CDK6: variants seen among roughly 807,000 people sequenced by gnomAD.
CDK6 encodes cyclin dependent kinase 6, also known as cyclin-dependent kinase 6.
A neutral mutation model predicts 37.1 loss-of-function variants in CDK6; 6 were observed. The ratio of observed to expected loss-of-function variants is 0.16; its 90% CI spans 0.09 to 0.32. The LOEUF is 0.32. CDK6 is among the 10% of genes least tolerant of loss of function. The pLI is 1.00. For synonymous variants in CDK6, 160 were observed against 161.3 expected, an observed-to-expected ratio of 0.99 and a Z score of 0.06; for missense variants, 224 against 418.9, an observed-to-expected ratio of 0.53 and a Z score of 4.06.
chr7:92,743,805 T>C (rs1716986303), intron 3 of CDK6, among the ~76,000 whole-genome samples: 1 of 152,228 alleles, frequency 6.6e-6, no homozygotes, highest in African/African-American at 2.4e-5. Flanking sequence ...ACAGACAAGA[T>C]GCTCAGTAAA....
intron 4 of CDK6, among the ~76,000 whole-genome samples, chr7:92,723,403 A>G (rs984296606): frequency 3.9e-5 from 6 of 152,192 alleles, no homozygotes; most frequent in African/African-American, 1.4e-4. Flanking sequence ...CCTGTATGAC[A>G]TAACCCACTA....
chr7:92,683,957 T>A (rs1304216368), intron 4 of CDK6, among the ~76,000 whole-genome samples: 1 of 152,240 alleles, frequency 6.6e-6, no homozygotes. Flanking sequence ...TGGGGCCTTG[T>A]AATGTTTTCT....
intron 5 of CDK6, among the ~76,000 whole-genome samples, chr7:92,650,473 G>A (rs1796547814): frequency 6.6e-6 from 1 of 151,530 alleles, no homozygotes. Flanking sequence ...AATTTCTATT[G>A]CTGTTGTAAC....
intron 3 of CDK6, among the ~76,000 whole-genome samples, chr7:92,727,971 G>A (rs1363052757): frequency 6.6e-6 from 1 of 152,144 alleles, no homozygotes; most frequent in African/African-American, 2.4e-5. Context: ...TGTCCTGTTG[G>A]CTCATCATCT....
intron 4 of CDK6, among the ~76,000 whole-genome samples, chr7:92,707,897 T>C (rs754749853): frequency 1.3e-5 from 2 of 152,202 alleles, no homozygotes; most frequent in African/African-American, 4.8e-5. Flanking sequence ...GGGCAGCAGA[T>C]GAGCAGATGG....
intron 5 of CDK6, among the ~76,000 whole-genome samples, chr7:92,635,844 C>T (rs1324203603): frequency 1.3e-5 from 2 of 152,084 alleles, no homozygotes; most frequent in African/African-American, 4.8e-5. Flanking sequence ...AGGAAAATGA[C>T]AAATAAGGGG....
Position 92,615,035 on chromosome 7 carries a change from C to T in CDK6, c.*105G>A. ...TGTCCAGAAGACAGCAGCTGGAAGG[C>T]CTCCAGATAGCAATCCTCCACAGCT... On this transcript the variant is annotated 3_prime_UTR_variant, in exon 8 of 8. Transcript: ENST00000424848. 1 of 1,176,740 alleles carries T rather than the reference C, an allele frequency of 8.5e-7. No homozygotes were observed. The highest frequency in any genetic ancestry group is 2.5e-5 in the Admixed American group (1 of 40,520). The allele number at this position is 1,176,740 out of a possible 1,614,324, so 72.9% of individuals were successfully genotyped here.
At chr7:92,717,203 C>T (rs187991641) in intron 4 of CDK6, among the ~76,000 whole-genome samples, 40 of 151,808 alleles carry the variant, frequency 2.6e-4, no homozygotes, top group African/African-American at 8.2e-4. Context: ...CGTAGCTGGG[C>T]GTGGTGGTGT....
At chr7:92,782,765 G>A (rs918763405) in intron 2 of CDK6, among the ~76,000 whole-genome samples, 4 of 152,118 alleles carry the variant, frequency 2.6e-5, no homozygotes, top group Admixed American at 6.6e-5. Flanking sequence ...TCAGTGTTTT[G>A]CTTATCCAGC....
In CDK6 at chr7:92,624,303, G is replaced by A. The variant is rs569607509; in HGVS notation, c.648-1217C>T. Among the ~76,000 whole-genome samples, 9 of 152,244 alleles carry A rather than the reference G, an allele frequency of 5.9e-5. No individual in the cohort carries two copies. The South Asian group carries it at 1.9e-3, about 32-fold the overall frequency. On this transcript the variant is annotated intron_variant, in intron 5 of 7. Transcript: ENST00000424848. ...GAATTTAACTGTATTTGGAGATAGA[G>A]CCTTTAAACAAGTAATTAAAATAAG...
At chr7:92,774,993 T>C (rs1799813660) in intron 2 of CDK6, among the ~76,000 whole-genome samples, 162 bp from the exon 3 acceptor site, 1 of 152,196 alleles carries the variant, frequency 6.6e-6, no homozygotes, top group Non-Finnish European at 1.5e-5. Context: ...ATCTGATACT[T>C]TAATAACAAC....
chr7:92,729,485 C>T (rs541056531), intron 3 of CDK6, among the ~76,000 whole-genome samples: 9 of 152,252 alleles, frequency 5.9e-5, no homozygotes, highest in South Asian at 2.1e-4. Flanking sequence ...TTAAAACATG[C>T]GACTCGCAAG....
intron 2 of CDK6, among the ~76,000 whole-genome samples, chr7:92,775,903 A>G (rs1317432425): frequency 6.6e-6 from 1 of 152,066 alleles, no homozygotes; most frequent in African/African-American, 2.4e-5. Flanking sequence ...CTGCTTACAT[A>G]TTACCTCCGT....
chr7:92,638,777 C>T (rs1406843714), intron 5 of CDK6, among the ~76,000 whole-genome samples: 2 of 151,970 alleles, frequency 1.3e-5, no homozygotes, highest in African/African-American at 4.8e-5. Context: ...GTCTTTTGAC[C>T]CCCCCAGAGT....
intron 5 of CDK6, among the ~76,000 whole-genome samples, chr7:92,657,033 T>G (rs764460418): frequency 6.6e-6 from 1 of 152,134 alleles, no homozygotes; most frequent in Non-Finnish European, 1.5e-5. Context: ...TGTCTCTGTT[T>G]CTTTGGGTCT....
intron 3 of CDK6, among the ~76,000 whole-genome samples, chr7:92,751,547 G>C (rs1799187842): frequency 6.6e-6 from 1 of 152,086 alleles, no homozygotes; most frequent in African/African-American, 2.4e-5. Flanking sequence ...GATCTGTGAG[G>C]AAACAGCATA....
chr7:92,785,590 T>G (rs989023174), intron 2 of CDK6, among the ~76,000 whole-genome samples: 7 of 152,338 alleles, frequency 4.6e-5, no homozygotes, highest in African/African-American at 1.4e-4. Flanking sequence ...GCAACAGTGG[T>G]AGAGAGGTTT....
Position 92,833,603 on chromosome 7 carries a change from T to A in CDK6, c.-280A>T, listed in dbSNP as rs1313460945. The A allele has an allele frequency of 7.4e-6, 4 of 537,352 alleles. No individual in the cohort carries two copies. The African/African-American group carries it at 8.1e-5, about 11-fold the overall frequency. 33.3% of individuals were successfully genotyped at this position (537,352 alleles called of 1,614,324 possible). The stretch of plus-strand genomic sequence containing the variant: ...GCCGCCGGAGGAGCGAGCCGATCCC[T>A]CCTCTTCCCTCCTCGAAGCGAAGTC... On this transcript the variant is annotated 5_prime_UTR_variant, in exon 2 of 8. Coordinates refer to ENST00000424848, the MANE Select transcript of CDK6 (RefSeq NM_001145306.2). The surrounding 1 kb of genome is among the most constrained non-coding windows in gnomAD (Gnocchi z 6.1).
intron 4 of CDK6, among the ~76,000 whole-genome samples, chr7:92,712,555 A>C (rs942611163): frequency 6.6e-6 from 1 of 152,220 alleles, no homozygotes; most frequent in South Asian, 2.1e-4. Context: ...CTTTAAATGC[A>C]GTTTTTCAGC....
Sources: gnomAD v4.1 joint callset for allele counts (sites outside exome capture counted in the v4.1 genomes callset) on GRCh38, gnomAD v4.1.1 for gene constraint, Gnocchi (gnomAD v3.1) non-coding constraint, MANE v1.5 for transcripts, NCBI Gene and HGNC (gene_info 2026-07-23, HGNC 2026-07-21) for gene names.